SEZ6L2: variants seen among roughly 807,000 people sequenced by gnomAD.
SEZ6L2 encodes seizure related 6 homolog like 2, also known as seizure 6-like protein 2.
In SEZ6L2, 44 loss-of-function variants were observed where a neutral mutation model predicts 97.0. The observed-to-expected ratio is 0.45, with a 90% CI of 0.36 to 0.58. SEZ6L2 has a LOEUF of 0.58. Among genes scored for constraint, SEZ6L2 ranks in the 20% least tolerant of loss-of-function variants. The pLI, the probability that SEZ6L2 is intolerant of heterozygous loss-of-function variation, is 0.00. For missense variants in SEZ6L2, 1,086 were observed against 1,233.3 expected (o/e 0.88, Z 1.79); for synonymous variants, 543 against 546.1 (o/e 0.99, Z 0.08).
In SEZ6L2 at chr16:29,887,548, G is replaced by A. The variant is rs565197252; in HGVS notation, c.1208+101C>T. On this transcript the variant is annotated intron_variant, in intron 7 of 17. Transcript: ENST00000617533. Reference sequence around the variant, plus strand: ...AGGATGGACTCGATCTCCTGACCTTGTGATCCGCCTGCTTCGGCCTCCCAA... The same window carrying A: ...AGGATGGACTCGATCTCCTGACCTTATGATCCGCCTGCTTCGGCCTCCCAA... The A allele has an allele frequency of 3.0e-3, 3,370 of 1,108,760 alleles. 20 individuals carry two copies. The highest frequency in any genetic ancestry group is 0.013 in the Middle Eastern group (61 of 4,690). The allele number at this position is 1,108,760 out of a possible 1,614,324, so 68.7% of individuals were successfully genotyped here.
At chr16:29,874,705 C>T (rs566004773) in intron 12 of SEZ6L2, among the ~76,000 whole-genome samples, 44 of 150,732 alleles carry the variant, frequency 2.9e-4, no homozygotes, top group South Asian at 4.2e-4. Context: ...CGAGTAGCTG[C>T]GATTACAGGC....
chr16:29,872,052 A>G (rs2150775187), intron 17 of SEZ6L2, 135 bp downstream of exon 17: 1 of 709,200 alleles, frequency 1.4e-6, no homozygotes, highest in South Asian at 1.9e-5. Flanking sequence ...ATGGCTTGCT[A>G]TGCTCATTGA....
At position 29,876,660 on chromosome 16, in the gene SEZ6L2, G is replaced by T; in HGVS notation, c.2104+96C>A. On this transcript the variant is annotated intron_variant, in intron 12 of 17. Transcript: ENST00000617533. The surrounding 1 kb of genome is among the most constrained non-coding windows in gnomAD (Gnocchi z 6.5). The stretch of plus-strand genomic sequence containing the variant: ...AGGAAGGACCCCGAGCGAAGGGATG[G>T]AACCCAGAAAGCACGGGGGTCGGGA... 8.5e-7 allele frequency: 1 copy of T among 1,176,344 alleles called. No homozygotes were observed. The highest frequency in any genetic ancestry group is 1.2e-6 in the Non-Finnish European group (1 of 856,994). 72.9% of individuals were successfully genotyped at this position (1,176,344 alleles called of 1,614,324 possible).
rs9926856 is a variant in SEZ6L2 at position 29,876,480 on chromosome 16, G to A, written c.2104+276C>T. Among the ~76,000 whole-genome samples the A allele has an allele frequency of 0.1, 15,543 of 152,006 alleles. 2,264 individuals are homozygous for A. The highest frequency in any genetic ancestry group is 0.31 in the African/African-American group (12,667 of 41,364). Reference sequence around the variant, plus strand: ...GGTCAGGAGGGGACGGGGCGGGGCCGTGAGACGAGGAAACAGGGACCGAGC... The same window carrying A: ...GGTCAGGAGGGGACGGGGCGGGGCCATGAGACGAGGAAACAGGGACCGAGC... On this transcript the variant is annotated intron_variant, in intron 12 of 17. Transcript: ENST00000617533. This position sits in a 1 kb window ranked among gnomAD's most constrained non-coding sequence, Gnocchi z 6.5.
In SEZ6L2 at chr16:29,886,584, G is replaced by C. The variant is rs188144447; in HGVS notation, c.1209-835C>G. The stretch of plus-strand genomic sequence containing the variant: ...TAGTCCCAGCTACTCGGGAGGCTAA[G>C]GCAGGAGAATAGCTTGAGCCTGGGA... On this transcript the variant is annotated intron_variant, in intron 7 of 17. Transcript: ENST00000617533. Among the ~76,000 whole-genome samples, 219 of 151,554 alleles carry C rather than the reference G, an allele frequency of 1.4e-3. 1 individual carries two copies. The highest frequency in any genetic ancestry group is 2.5e-3 in the East Asian group (13 of 5,154).
intron 14 of SEZ6L2, 24 bp from the exon 15 acceptor site, chr16:29,872,767 G>T: frequency 6.6e-7 from 1 of 1,505,612 alleles, no homozygotes; most frequent in Non-Finnish European, 9.2e-7. Flanking sequence ...AGGGGGAGGG[G>T]ATGGGGTCTG....
At chr16:29,888,779 A>G (rs994399389) in intron 5 of SEZ6L2, 54 bp from the exon 6 acceptor site, 31 of 1,495,108 alleles carry the variant, frequency 2.1e-5, no homozygotes, top group African/African-American at 2.7e-5. Flanking sequence ...CCACCCTCTC[A>G]TACTGATCCC....
At position 29,895,470 on chromosome 16, in the gene SEZ6L2, C is replaced by CCAGA; in HGVS notation, c.652-14_652-11dup. 1 of 1,613,186 alleles carries CCAGA rather than the reference C, an allele frequency of 6.2e-7. No homozygotes were observed. The highest frequency in any genetic ancestry group is 8.5e-7 in the Non-Finnish European group (1 of 1,179,420). On this transcript the variant is annotated splice_polypyrimidine_tract_variant and intron_variant, in intron 4 of 17. Coordinates refer to ENST00000617533, the MANE Select transcript of SEZ6L2 (RefSeq NM_001243332.2). ...GGTTCAGCGTCTGCACCTAGAGAAG[C>CCAGA]CAGACACAGACCCGCCAGGGCAAGT...
intron 8 of SEZ6L2, among the ~76,000 whole-genome samples, chr16:29,884,545 T>C (rs1456926689): frequency 6.6e-6 from 1 of 151,224 alleles, no homozygotes; most frequent in Non-Finnish European, 1.5e-5. Context: ...TGAGCTGAGA[T>C]CGCGCCACTG....
chr16:29,896,742 T>C, intron 3 of SEZ6L2, 80 bp downstream of exon 3: 2 of 1,299,772 alleles, frequency 1.5e-6, no homozygotes, highest in Non-Finnish European at 2.2e-6. Flanking sequence ...CTTCCACAGT[T>C]CCCAGCAGCC....
At chr16:29,875,075 A>G (rs937026748) in intron 12 of SEZ6L2, among the ~76,000 whole-genome samples, 1 of 151,982 alleles carries the variant, frequency 6.6e-6, no homozygotes, top group Non-Finnish European at 1.5e-5. Flanking sequence ...GGGTCTCACT[A>G]TGTTGCCCAG....
rs558916595 is a variant in SEZ6L2, at chr16:29,879,514, C to T, written c.1573+350G>A. 2.6e-5 allele frequency among the ~76,000 whole-genome samples: 4 copies of T among 152,298 alleles called. No homozygotes were observed. The East Asian group carries it at 5.8e-4, about 22-fold the overall frequency. ...TGCTGGTATTACAGGCGTGAGCCAC[C>T]GTGCCCAGCCATGATCTACCTGTTT... On this transcript the variant is annotated intron_variant, in intron 9 of 17. Coordinates refer to ENST00000617533, the MANE Select transcript of SEZ6L2 (RefSeq NM_001243332.2).
chr16:29,875,661 C>CTTTTTTTTTTTT (rs149293940), intron 12 of SEZ6L2, among the ~76,000 whole-genome samples: 5 of 112,712 alleles, frequency 4.4e-5, no homozygotes, highest in African/African-American at 1.5e-4. Flanking sequence ...TTCTTTCTTT[C>CTTTTTTTTTTTT]TTTCTTTTTT....
At position 29,872,484 on chromosome 16, in the gene SEZ6L2, T is replaced by A. The variant is rs1231449055; in HGVS notation, c.2570A>T (p.Asn857Ile). ...TDPSRQLEGG[N>I]LALAILLPLG... ...AGGCAGCAGGATGGCCAGGGCCAGG[T>A]TCCCCCCTTCCAGCTGCCGTGATGG... Residue 857 changes from asparagine (N) to isoleucine (I), a missense_variant, in exon 16 of 18, where the codon AAC becomes ATC. Transcript: ENST00000617533. 5.6e-6 allele frequency: 9 copies of A among 1,614,182 alleles called. No individual in the cohort carries two copies. The highest frequency in any genetic ancestry group is 6.8e-6 in the Non-Finnish European group (8 of 1,180,034).
rs2067773822 is a variant in SEZ6L2, at chr16:29,871,280, T to C, written c.*419A>G. On this transcript the variant is annotated 3_prime_UTR_variant, in exon 18 of 18. Coordinates refer to ENST00000617533, the MANE Select transcript of SEZ6L2 (RefSeq NM_001243332.2). ...GGCCTTGTCCCAGCTCTCCCCTTTGTCCTTCTTCTGACCCTCCTGGCCGGA... is the reference window on the plus strand; with the variant it reads ...GGCCTTGTCCCAGCTCTCCCCTTTGCCCTTCTTCTGACCCTCCTGGCCGGA... 3.9e-6 allele frequency: 1 copy of C among 253,194 alleles called. No homozygotes were observed. The highest frequency in any genetic ancestry group is 7.9e-6 in the Non-Finnish European group (1 of 126,814). The allele number at this position is 253,194 out of a possible 1,614,324, so 15.7% of individuals were successfully genotyped here.
rs755128947 is a variant in SEZ6L2, at chr16:29,877,466, A to G, written c.1714T>C (p.Leu572=). ...EKRILLQVEI[L]NVREGDMLTL... is the part of the protein sequence containing the mutation. ...AGCATGTCCCCTTCCCGCACATTCA[A>G]TCTGCAGGGGGTGAGACCAGGCAAT... The change falls in exon 11 of 18, where the codon TTG becomes CTG. Residue 572 remains leucine, a splice_region_variant and synonymous_variant. Transcript: ENST00000617533. 56 of 1,590,102 alleles carry G rather than the reference A, an allele frequency of 3.5e-5. 2 individuals carry two copies. In the South Asian group the frequency reaches 5.5e-4, roughly 16 times the overall value.
chr16:29,897,091 G>A lies in SEZ6L2; in HGVS notation c.242C>T (p.Pro81Leu), dbSNP rs187804176. Residue 81 changes from proline to leucine, a missense_variant, in exon 3 of 18, where the codon CCT becomes CTT. Physicochemically the swap from Pro to Leu is moderately conservative, Grantham distance 98. Transcript: ENST00000617533. ...CACTGCGAGAGTCTGGCCGGCCGGA[G>A]GGGTGGCTAGCGTGGGGTCCCGATC... Reference protein sequence around the residue: ...GSDRDPTLATPPAGQTLAVPS... With the variant: ...GSDRDPTLATLPAGQTLAVPS... 1.3e-3 allele frequency: 1,988 copies of A among 1,580,590 alleles called. 20 individuals carry two copies. In the African/African-American group the frequency reaches 0.024, roughly 19 times the overall value.
chr16:29,877,568 T>C (rs2067936691), intron 10 of SEZ6L2, 101 bp from the exon 11 acceptor site: 1 of 1,088,000 alleles, frequency 9.2e-7, no homozygotes, highest in African/African-American at 1.6e-5. Flanking sequence ...CCCCTCCTAC[T>C]CTCCAGCCCC....
At chr16:29,875,623 C>A (rs1242815743) in intron 12 of SEZ6L2, among the ~76,000 whole-genome samples, 1 of 151,228 alleles carries the variant, frequency 6.6e-6, no homozygotes. Flanking sequence ...AGCTGCCATT[C>A]CTTTCTGCTC....
Sources: allele counts gnomAD v4.1 joint callset (sites outside exome capture counted in the v4.1 genomes callset), GRCh38; gene constraint gnomAD v4.1.1; non-coding constraint Gnocchi (gnomAD v3.1); transcripts MANE v1.5; gene names NCBI Gene and HGNC (gene_info 2026-07-23, HGNC 2026-07-21).